Variants in SH3PXD2B observed in about 807,000 individuals in gnomAD.
The protein encoded by SH3PXD2B is SH3 and PX domain-containing protein 2B.
A neutral mutation model predicts 73.1 loss-of-function variants in SH3PXD2B; 37 were observed. That is an observed-to-expected ratio of 0.51 (90% confidence interval 0.39 to 0.67). SH3PXD2B has a LOEUF of 0.67. Among genes scored for constraint, SH3PXD2B ranks in the 30% least tolerant of loss-of-function variants. The pLI, the probability that SH3PXD2B is intolerant of heterozygous loss-of-function variation, is 0.00. For synonymous variants in SH3PXD2B, 457 were observed against 480.5 expected (o/e 0.95, Z 0.64); for missense variants, 1,053 against 1,197.8 (o/e 0.88, Z 1.78).
At chr5:172,397,245 G>A (rs990907345) in intron 3 of SH3PXD2B, among the ~76,000 whole-genome samples, 1 of 152,162 alleles carries the variant, frequency 6.6e-6, no homozygotes, top group Admixed American at 6.5e-5. Flanking sequence ...ATTAGGATGA[G>A]GAAATTCCCG....
intron 5 of SH3PXD2B, among the ~76,000 whole-genome samples, chr5:172,381,116 T>C (rs1329586174): frequency 6.6e-6 from 1 of 152,246 alleles, no homozygotes; most frequent in Non-Finnish European, 1.5e-5. Flanking sequence ...ACACATACAG[T>C]GCTTGGCACA....
chr5:172,454,223 G>A (rs1759875313), intron 1 of SH3PXD2B, 55 bp downstream of exon 1: 1 of 1,494,330 alleles, frequency 6.7e-7, no homozygotes, highest in African/African-American at 1.4e-5. Flanking sequence ...GGGGCCCTCG[G>A]TCGCCCCCGA....
rs769143872 is a variant in SH3PXD2B at position 172,454,374 on chromosome 5, G to T, written c.-22C>A. On this transcript the variant is annotated 5_prime_UTR_variant, in exon 1 of 13. Coordinates refer to ENST00000311601, the MANE Select transcript of SH3PXD2B (RefSeq NM_001017995.3). ...GCATGGCCGCTCCTCCGCCCGCAGC[G>T]GGCCGAGCGCGGGTGCGGGTGGCGC... 2 of 1,440,464 alleles carry T rather than the reference G, an allele frequency of 1.4e-6. No individual in the cohort carries two copies. Among genetic ancestry groups the T allele is most frequent in the East Asian group, 5.9e-5 (2 of 33,974 alleles). 89.2% of individuals were successfully genotyped at this position (1,440,464 alleles called of 1,614,324 possible).
Position 172,362,790 on chromosome 5 carries a change from C to T in SH3PXD2B, c.507G>A (p.Ser169=), listed in dbSNP as rs532842756. The stretch of plus-strand genomic sequence containing the variant: ...CCTGCCCCACGCTGAGGCTGATCTC[C>T]GAACTCTCCTGCTTCTGGTAGTTGG... ...VVANYQKQES[S]EISLSVGQVV... Residue 169 remains serine (S), a synonymous_variant, in exon 7 of 13, where the codon TCG becomes TCA. Transcript: ENST00000311601. The T allele has an allele frequency of 2.9e-5, 47 of 1,614,110 alleles. No homozygotes were observed. The East Asian group carries it at 6.0e-4, about 21-fold the overall frequency.
In SH3PXD2B at chr5:172,336,309, C is replaced by T; in HGVS notation, c.*2060G>A. Reference sequence around the variant, plus strand: ...CAGGAAAACTGCCATGGGGCCTCCTCTCAAGGGAGGGGACCCTCAAGCGGT... The same window carrying T: ...CAGGAAAACTGCCATGGGGCCTCCTTTCAAGGGAGGGGACCCTCAAGCGGT... On this transcript the variant is annotated 3_prime_UTR_variant, in exon 13 of 13. Transcript: ENST00000311601. 1.0e-6 allele frequency: 1 copy of T among 985,596 alleles called. No individual in the cohort carries two copies. The highest frequency in any genetic ancestry group is 1.2e-6 in the Non-Finnish European group (1 of 829,984). 61.1% of individuals were successfully genotyped at this position (985,596 alleles called of 1,614,324 possible).
chr5:172,394,530 AG>A, intron 4 of SH3PXD2B, 32 bp downstream of exon 4: 1 of 1,609,760 alleles, frequency 6.2e-7, no homozygotes, highest in South Asian at 1.1e-5. Context: ...ATACACCTAC[AG>A]GGAAGACTGC....
intron 1 of SH3PXD2B, among the ~76,000 whole-genome samples, chr5:172,434,782 G>GTTTTTGTTTTTTTGT (rs1554087271): frequency 0.048 from 3,150 of 66,216 alleles, 145 homozygotes; most frequent in African/African-American, 0.14. Flanking sequence ...ATGGCCAATG[G>GTTTTTGTTTTTTTGT]TTTTTTTTTT....
intron 9 of SH3PXD2B, among the ~76,000 whole-genome samples, chr5:172,352,616 G>A (rs1354948267): frequency 6.6e-6 from 1 of 152,190 alleles, no homozygotes; most frequent in Non-Finnish European, 1.5e-5. Context: ...TTGTGGGAGG[G>A]ACTCAGGCGG....
intron 1 of SH3PXD2B, among the ~76,000 whole-genome samples, chr5:172,449,669 C>A (rs187507393): frequency 6.6e-6 from 1 of 152,326 alleles, no homozygotes; most frequent in Admixed American, 6.5e-5. Context: ...TGAACAAGCA[C>A]CACTTTTGCA....
chr5:172,358,667 C>T (rs773150593), intron 8 of SH3PXD2B, 106 bp downstream of exon 8: 60 of 1,035,418 alleles, frequency 5.8e-5, no homozygotes, highest in South Asian at 1.1e-4. Context: ...GCTGCTGAGA[C>T]GCAGAGGCAG....
At chr5:172,342,926 G>A (rs567387289) in intron 12 of SH3PXD2B, among the ~76,000 whole-genome samples, 45 of 152,364 alleles carry the variant, frequency 3.0e-4, no homozygotes, top group African/African-American at 1.1e-3. Context: ...GCAGTCCTGG[G>A]TTCTAGTCTT....
intron 2 of SH3PXD2B, among the ~76,000 whole-genome samples, chr5:172,419,300 A>G (rs11743974): frequency 3.6e-3 from 546 of 151,912 alleles, no homozygotes; most frequent in Non-Finnish European, 6.1e-3. Context: ...CAACATTTGC[A>G]TAAGCACTTC....
Position 172,350,538 on chromosome 5 carries a change from A to G in SH3PXD2B, c.837T>C (p.Ser279=). 1 of 1,613,806 alleles carries G rather than the reference A, an allele frequency of 6.2e-7. No homozygotes were observed. The highest frequency in any genetic ancestry group is 8.5e-7 in the Non-Finnish European group (1 of 1,179,886). Residue 279 remains serine (S), a synonymous_variant, in exon 10 of 13, where the codon AGT becomes AGC. Transcript: ENST00000311601. ...WAPASYLKKN[S]GEPLPPKPGP... ...CTGGCTTCGGGGGCAAGGGCTCCCC[A>G]CTGTTCTTCTTTAGGTAGGAGGCGG...
At chr5:172,435,256 A>G (rs1255195912) in intron 1 of SH3PXD2B, among the ~76,000 whole-genome samples, 1 of 152,168 alleles carries the variant, frequency 6.6e-6, no homozygotes, top group Non-Finnish European at 1.5e-5. Context: ...TTCCATTTAA[A>G]AGTAATTTAA....
rs765472301 is a variant in SH3PXD2B at position 172,338,527 on chromosome 5, C to T, written c.2578G>A (p.Asp860Asn). Residue 860 changes from aspartate (D) to asparagine (N), a missense_variant, in exon 13 of 13, where the codon GAC (aspartate) becomes AAC (asparagine). By Grantham distance (23) the Asp-to-Asn change is conservative. This residue lies in a region of SH3PXD2B where 587 missense variants were observed against 590.7 expected (regional missense o/e 0.99). Transcript: ENST00000311601. This position sits in a 1 kb window ranked among gnomAD's most constrained non-coding sequence, Gnocchi z 5.1. ...CTGGTGTCTTTGTCTCCTTCAAAGTCGGCCACGGCCACATACAAAGAGTCC... is the reference window on the plus strand; with the variant it reads ...CTGGTGTCTTTGTCTCCTTCAAAGTTGGCCACGGCCACATACAAAGAGTCC... ...LKDSLYVAVA[D>N]FEGDKDTSSF... The T allele has an allele frequency of 1.9e-4, 310 of 1,614,064 alleles. No homozygotes were observed. The highest frequency in any genetic ancestry group is 2.3e-4 in the Non-Finnish European group (270 of 1,180,034).
chr5:172,367,767 A>G (rs2113335484), intron 6 of SH3PXD2B, among the ~76,000 whole-genome samples: 1 of 152,252 alleles, frequency 6.6e-6, no homozygotes, highest in South Asian at 2.1e-4. Context: ...ACAGGAGGTA[A>G]CTGGCTCTGC....
At chr5:172,342,150 T>G (rs971714930) in intron 12 of SH3PXD2B, among the ~76,000 whole-genome samples, 3 of 152,174 alleles carry the variant, frequency 2.0e-5, no homozygotes, top group Non-Finnish European at 4.4e-5. Context: ...GCTGACACCT[T>G]GATCTTGAAC....
rs1476043300 is a variant in SH3PXD2B, at chr5:172,334,039, C to G, written c.*4330G>C. On this transcript the variant is annotated 3_prime_UTR_variant, in exon 13 of 13. Transcript: ENST00000311601. ...GACATCTAAAAGTGAAGGCTACCGA[C>G]TGTGGCACTGCGTTTGGCCTCTTTG... 8.5e-7 allele frequency: 1 copy of G among 1,171,418 alleles called. No individual in the cohort carries two copies. The highest frequency in any genetic ancestry group is 1.1e-6 in the Non-Finnish European group (1 of 938,842). 72.6% of individuals were successfully genotyped at this position (1,171,418 alleles called of 1,614,324 possible).
chr5:172,425,869 A>G (rs2113471551), intron 1 of SH3PXD2B, among the ~76,000 whole-genome samples: 1 of 152,256 alleles, frequency 6.6e-6, no homozygotes, highest in South Asian at 2.1e-4. Flanking sequence ...GGACCAAAGA[A>G]TGCAGCTCAT....
Sources: allele counts gnomAD v4.1 joint callset (sites outside exome capture counted in the v4.1 genomes callset), GRCh38; gene constraint gnomAD v4.1.1; regional missense constraint gnomAD v4.1.1; non-coding constraint Gnocchi (gnomAD v3.1); transcripts MANE v1.5; gene names NCBI Gene and HGNC (gene_info 2026-07-23, HGNC 2026-07-21).